ITPR1: variants seen among roughly 807,000 people sequenced by gnomAD.
ITPR1 encodes inositol 1,4,5-trisphosphate receptor type 1.
A neutral mutation model predicts 318.4 loss-of-function variants in ITPR1; 96 were observed. The observed-to-expected ratio is 0.30, with a 90% confidence interval of 0.26 to 0.36. ITPR1 has a LOEUF of 0.36. ITPR1 is among the 10% of genes least tolerant of loss of function. ITPR1 has a pLI of 1.00. For missense variants in ITPR1, 2,440 were observed against 3,460.2 expected, an observed-to-expected ratio of 0.71 and a Z score of 7.40; for synonymous variants, 1,312 against 1,289.9, an observed-to-expected ratio of 1.02 and a Z score of -0.37.
intron 60 of ITPR1, chr3:4,831,007 C>T (rs773452988): frequency 1.6e-4 from 73 of 456,486 alleles, no homozygotes; most frequent in Admixed American, 1.6e-4. Context: ...AGAACAGCCT[C>T]TTCTTTTGAA....
In ITPR1 at chr3:4,779,609, A is replaced by G; in HGVS notation, c.6351A>G (p.Ala2117=). 2 of 1,612,318 alleles carry G rather than the reference A, an allele frequency of 1.2e-6. No individual in the cohort carries two copies. The highest frequency in any genetic ancestry group is 1.7e-6 in the Non-Finnish European group (2 of 1,178,746). The part of the protein sequence containing the change: ...IMESRHDSEN[A]ERILYNMRPK... ...AAAGCAGGCACGACAGTGAAAACGC[A>G]GAGAGGATACTTTATAACATGAGGC... Residue 2117 remains alanine, a synonymous_variant, in exon 49 of 62, where the codon GCA becomes GCG. Coordinates refer to ENST00000649015, the MANE Select transcript of ITPR1 (RefSeq NM_001378452.1). This position sits in a 1 kb window ranked among gnomAD's most constrained non-coding sequence, Gnocchi z 4.0.
intron 35 of ITPR1, among the ~76,000 whole-genome samples, chr3:4,701,138 C>T (rs1283206440): frequency 2.6e-5 from 4 of 152,170 alleles, no homozygotes; most frequent in African/African-American, 4.8e-5. Context: ...ATCTTTTGTA[C>T]ACTGAGGTGT....
chr3:4,602,597 T>TAGAAACAAC (rs2091380181), intron 4 of ITPR1, among the ~76,000 whole-genome samples: 1 of 149,314 alleles, frequency 6.7e-6, no homozygotes, highest in Non-Finnish European at 1.5e-5. Context: ...AGCTAAAAAG[T>TAGAAACAAC]AGAAACAACT....
chr3:4,773,039 G>C (rs549141640), intron 46 of ITPR1, among the ~76,000 whole-genome samples: 2 of 152,372 alleles, frequency 1.3e-5, no homozygotes, highest in East Asian at 3.9e-4. Context: ...GCCAGTCCCT[G>C]TGCCAGCTGC....
chr3:4,764,671 G>T (rs1479759316), intron 44 of ITPR1, among the ~76,000 whole-genome samples: 1 of 152,210 alleles, frequency 6.6e-6, no homozygotes, highest in East Asian at 1.9e-4. Context: ...AAAGATGAGG[G>T]GCCCTAGCTG....
At chr3:4,652,060 C>T in intron 10 of ITPR1, 63 bp from the exon 11 acceptor site, 1 of 1,258,100 alleles carries the variant, frequency 7.9e-7, no homozygotes, top group Non-Finnish European at 1.1e-6. Context: ...TGTGATACCT[C>T]CGATTTAATG....
At chr3:4,781,033 T>G (rs180685314) in intron 49 of ITPR1, among the ~76,000 whole-genome samples, 1 of 152,360 alleles carries the variant, frequency 6.6e-6, no homozygotes, top group Admixed American at 6.5e-5. Context: ...CGTGTGTACA[T>G]GCATGTGTGC....
intron 22 of ITPR1, 88 bp downstream of exon 22, chr3:4,674,431 T>G: frequency 4.3e-6 from 5 of 1,172,168 alleles, no homozygotes; most frequent in Non-Finnish European, 5.9e-6. Context: ...GTGAGTAGGT[T>G]GTGATTTTGG....
intron 44 of ITPR1, among the ~76,000 whole-genome samples, chr3:4,745,047 T>C (rs2043995180): frequency 1.1e-4 from 1 of 8,972 alleles, no homozygotes; most frequent in Admixed American, 1.4e-3. Flanking sequence ...TTTATCTCTT[T>C]CTTTTCCTTT....
chr3:4,535,737 G>A (rs1476787276), intron 4 of ITPR1, among the ~76,000 whole-genome samples: 1 of 151,842 alleles, frequency 6.6e-6, no homozygotes, highest in Non-Finnish European at 1.5e-5. Flanking sequence ...GAGTCACCTC[G>A]CCCAGCCAGG....
chr3:4,774,079 A>G (rs1245881977), intron 46 of ITPR1, among the ~76,000 whole-genome samples: 1 of 152,168 alleles, frequency 6.6e-6, no homozygotes, highest in Non-Finnish European at 1.5e-5. Flanking sequence ...TTGGTTGTTG[A>G]TTTACACTGT....
At chr3:4,653,816 A>G (rs2093647876) in intron 11 of ITPR1, 26 bp from the exon 12 acceptor site, 1 of 1,585,436 alleles carries the variant, frequency 6.3e-7, no homozygotes, top group Admixed American at 1.7e-5. Flanking sequence ...GGATGTTTTA[A>G]TTTCCTAATG....
intron 34 of ITPR1, among the ~76,000 whole-genome samples, chr3:4,697,731 C>T (rs1300543188): frequency 2.0e-5 from 3 of 152,032 alleles, no homozygotes; most frequent in African/African-American, 4.8e-5. Context: ...GGATTAGAAG[C>T]GTGAGCCACC....
chr3:4,500,136 C>G (rs1324816501), intron 2 of ITPR1, among the ~76,000 whole-genome samples: 2 of 152,198 alleles, frequency 1.3e-5, no homozygotes, highest in African/African-American at 4.8e-5. Context: ...TTCTCTATTT[C>G]TTATCCCAGA....
In ITPR1 at chr3:4,507,040, C is replaced by T. The variant is rs535219675; in HGVS notation, c.-16-9436C>T. ...AACCAATTACACATTAACGTATTGA[C>T]ATATTTTTAATGAACAATAAGAATA... On this transcript the variant is annotated intron_variant, in intron 2 of 61. Transcript: ENST00000649015. Among the ~76,000 whole-genome samples the T allele has an allele frequency of 1.9e-4, 28 of 150,158 alleles. No individual in the cohort carries two copies. The South Asian group carries it at 5.7e-3, about 31-fold the overall frequency.
chr3:4,613,998 TA>T (rs1159442905), intron 4 of ITPR1, among the ~76,000 whole-genome samples: 1 of 152,194 alleles, frequency 6.6e-6, no homozygotes, highest in African/African-American at 2.4e-5. Flanking sequence ...ACCACTGTTT[TA>T]ATGCTGTCAC....
chr3:4,685,036 G>C (rs1185133112), intron 29 of ITPR1, 33 bp from the exon 30 acceptor site: 7 of 1,598,710 alleles, frequency 4.4e-6, no homozygotes, highest in South Asian at 2.3e-5. Context: ...ATAGTTCCTA[G>C]TTTTCTGAGA....
intron 2 of ITPR1, among the ~76,000 whole-genome samples, chr3:4,497,418 A>T (rs2080676058): frequency 6.6e-6 from 1 of 152,250 alleles, no homozygotes; most frequent in African/African-American, 2.4e-5. Flanking sequence ...GGTGCTCAGG[A>T]TATAGCAATG....
Position 4,826,571 on chromosome 3 carries a change from C to A in ITPR1, c.8028+8329C>A, listed in dbSNP as rs1003692577. On this transcript the variant is annotated intron_variant, in intron 60 of 61. Transcript: ENST00000649015. The surrounding 1 kb of genome is among the most constrained non-coding windows in gnomAD (Gnocchi z 4.2). ...CCAGCCAGCCAGGCCTCTCTCACCCCACCCTGTGCACTTGGGCTTGGGTTC... is the reference window on the plus strand; with the variant it reads ...CCAGCCAGCCAGGCCTCTCTCACCCAACCCTGTGCACTTGGGCTTGGGTTC... 6.6e-6 allele frequency among the ~76,000 whole-genome samples: 1 copy of A among 152,204 alleles called. No individual in the cohort carries two copies. Among genetic ancestry groups the A allele is most frequent in the Non-Finnish European group, 1.5e-5 (1 of 68,036 alleles).
Sources: gnomAD v4.1 joint callset for allele counts (sites outside exome capture counted in the v4.1 genomes callset) on GRCh38, gnomAD v4.1.1 for gene constraint, Gnocchi (gnomAD v3.1) non-coding constraint, MANE v1.5 for transcripts, NCBI Gene and HGNC (gene_info 2026-07-23, HGNC 2026-07-21) for gene names.